TRPA1: variants seen among roughly 807,000 people sequenced by gnomAD.
TRPA1 encodes transient receptor potential cation channel subfamily A member 1, also known as ankyrin-like with transmembrane domains 1.
In TRPA1, 129 loss-of-function variants were observed where a neutral mutation model predicts 131.3. The observed-to-expected ratio is 0.98, with a 90% confidence interval of 0.85 to 1.14. The LOEUF is 1.14. Among genes scored for constraint, TRPA1 ranks in the 50% most tolerant of loss-of-function variants. The probability of loss-of-function intolerance (pLI) is 0.00; values close to 1 mark genes in which losing one functional copy is unlikely to be tolerated. For synonymous variants in TRPA1, 441 were observed against 451.7 expected (o/e 0.98, Z 0.30); for missense variants, 1,304 against 1,354.2 (o/e 0.96, Z 0.58).
intron 3 of TRPA1, among the ~76,000 whole-genome samples, chr8:72,067,911 A>G (rs988881076): frequency 6.6e-6 from 1 of 152,230 alleles, no homozygotes; most frequent in African/African-American, 2.4e-5. Context: ...TCATTCATTC[A>G]TTCAACAGCC....
Position 72,022,856 on chromosome 8 carries a change from C to A in TRPA1, c.*50G>T. On this transcript the variant is annotated 3_prime_UTR_variant, in exon 27 of 27. Coordinates refer to ENST00000262209, the MANE Select transcript of TRPA1 (RefSeq NM_007332.3). ...ACTCTTTTTAAATTGAAAGTTAGAA[C>A]CAGCAAGTCATGCACCCCCCATTAG... is the stretch of plus-strand genomic sequence containing the variant. 1.3e-6 allele frequency: 2 copies of A among 1,534,706 alleles called. No homozygotes were observed. Among genetic ancestry groups the A allele is most frequent in the Non-Finnish European group, 1.8e-6 (2 of 1,109,638 alleles).
upstream of TRPA1, among the ~76,000 whole-genome samples, chr8:72,076,034 CCTT>C (rs1806177856): frequency 6.6e-6 from 1 of 152,248 alleles, no homozygotes; most frequent in Admixed American, 6.5e-5. Context: ...ACCACGTGCA[CCTT>C]CTTCTGGCGG....
In TRPA1 at chr8:72,022,939, T is replaced by G. The variant is rs1395582436; in HGVS notation, c.3327A>C (p.Ala1109=). 1.9e-6 allele frequency: 3 copies of G among 1,613,728 alleles called. No homozygotes were observed. The African/African-American group carries it at 4.0e-5, about 22-fold the overall frequency. Residue 1109 remains alanine, a synonymous_variant, in exon 27 of 27, where the codon GCA becomes GCC. Transcript: ENST00000262209. ...RNSRWNTVLR[A]VKAKTHHLEP ...CAAGATGGTGTGTTTTTGCCTTGACTGCTCTCAACACAGTATTCCATCTGC... is the reference window on the plus strand; with the variant it reads ...CAAGATGGTGTGTTTTTGCCTTGACGGCTCTCAACACAGTATTCCATCTGC...
intron 17 of TRPA1, among the ~76,000 whole-genome samples, chr8:72,042,769 C>G (rs983823248): frequency 4.6e-5 from 7 of 151,726 alleles, no homozygotes; most frequent in African/African-American, 1.7e-4. Context: ...CATGGATGAA[C>G]CTTAAGGAGA....
At chr8:72,086,094 G>A in the TRPA1 span, among the ~76,000 whole-genome samples, 1 of 151,906 alleles carries the variant, frequency 6.6e-6, no homozygotes, top group African/African-American at 2.4e-5. Context: ...GTAGAGATGG[G>A]GTTTCAACCT....
chr8:72,080,641 T>C, the TRPA1 span, among the ~76,000 whole-genome samples: 3 of 149,482 alleles, frequency 2.0e-5, no homozygotes, highest in Admixed American at 2.0e-4. Context: ...TGTATAATAT[T>C]GGTATTATTT....
At position 72,023,881 on chromosome 8, in the gene TRPA1, C is replaced by T. The variant is rs1261498354; in HGVS notation, c.3082G>A (p.Glu1028Lys). 6.3e-7 allele frequency: 1 copy of T among 1,594,444 alleles called. No individual in the cohort carries two copies. The highest frequency in any genetic ancestry group is 1.7e-5 in the Admixed American group (1 of 59,872). Residue 1028 changes from glutamate to lysine, a missense_variant, in exon 26 of 27, where the codon GAA (glutamate) becomes AAA (lysine). Transcript: ENST00000262209. ...HIFCFLFCTG[E>K]IRQEIPNADK... ...GCATTTGGTATTTCTTGTCTTATTT[C>T]CCCAGTGCAAAATAAAAAACAGAAT...
At chr8:72,041,546 A>C (rs187862839) in intron 17 of TRPA1, among the ~76,000 whole-genome samples, 1 of 152,144 alleles carries the variant, frequency 6.6e-6, no homozygotes, top group East Asian at 1.9e-4. Flanking sequence ...ACTAGAAATC[A>C]AAAGTAGAAG....
chr8:72,033,487 G>A (rs752664688), intron 23 of TRPA1, among the ~76,000 whole-genome samples, 157 bp downstream of exon 23: 3 of 152,166 alleles, frequency 2.0e-5, no homozygotes, highest in Non-Finnish European at 4.4e-5. Context: ...TGTGCCTGGT[G>A]CTCCCCAGGC....
At position 72,022,420 on chromosome 8, in the gene TRPA1, C is replaced by A. The variant is rs1215903885; in HGVS notation, c.*486G>T. 1 of 265,448 alleles carries A rather than the reference C, an allele frequency of 3.8e-6. No homozygotes were observed. The highest frequency in any genetic ancestry group is 7.3e-6 in the Non-Finnish European group (1 of 137,720). 16.4% of individuals were successfully genotyped at this position (265,448 alleles called of 1,614,324 possible). On this transcript the variant is annotated 3_prime_UTR_variant, in exon 27 of 27. Coordinates refer to ENST00000262209, the MANE Select transcript of TRPA1 (RefSeq NM_007332.3). ...ACATGGTGCCACCCATAGGTTCTTT[C>A]AACATGAAGCTTTCCAGGAAGCAGC...
intron 24 of TRPA1, among the ~76,000 whole-genome samples, chr8:72,027,741 A>C (rs924210776): frequency 6.6e-6 from 1 of 152,160 alleles, no homozygotes; most frequent in Non-Finnish European, 1.5e-5. Context: ...GCTCAGACAT[A>C]GGTTTCAGAA....
chr8:72,062,669 C>T (rs1805834688), intron 6 of TRPA1, 130 bp downstream of exon 6: 1 of 984,652 alleles, frequency 1.0e-6, no homozygotes, highest in Non-Finnish European at 1.5e-6. Context: ...TCTGCTTCTG[C>T]AGAAGCAGAA....
chr8:72,025,598 T>C (rs7839298), intron 25 of TRPA1, among the ~76,000 whole-genome samples: 12,877 of 151,978 alleles, frequency 0.085, 1,681 homozygotes, highest in African/African-American at 0.28. Flanking sequence ...CTCACATATA[T>C]ATCTACACAT....
rs955642376 is a variant in TRPA1 at position 72,050,861 on chromosome 8, A to G, written c.1822T>C (p.Cys608Arg). 1 of 1,606,078 alleles carries G rather than the reference A, an allele frequency of 6.2e-7. No individual in the cohort carries two copies. Among genetic ancestry groups the G allele is most frequent in the African/African-American group, 1.3e-5 (1 of 74,864 alleles). ...TIIRSKRWDE[C>R]LKIFSHNSPG... ...GAATTATGACTGAAAATCTTAAGACATTCATCCCATCTGTAAAAAATAAAT... is the reference window on the plus strand; with the variant it reads ...GAATTATGACTGAAAATCTTAAGACGTTCATCCCATCTGTAAAAAATAAAT... Residue 608 changes from cysteine (C) to arginine (R), a missense_variant, in exon 15 of 27, where the codon TGT (cysteine) becomes CGT (arginine). Physicochemically the swap from Cys to Arg is radical, Grantham distance 180 (BLOSUM62 -3). Transcript: ENST00000262209.
intron 4 of TRPA1, among the ~76,000 whole-genome samples, chr8:72,063,913 T>G (rs965461595): frequency 6.6e-6 from 1 of 152,154 alleles, no homozygotes; most frequent in Non-Finnish European, 1.5e-5. Flanking sequence ...CTTATGCAAA[T>G]AAAGTGATAT....
At chr8:72,056,097 T>C in intron 10 of TRPA1, 1 of 552,186 alleles carries the variant, frequency 1.8e-6, no homozygotes, top group Non-Finnish European at 3.2e-6. Flanking sequence ...ATCTGAGAGA[T>C]CATGCCAATA....
chr8:72,032,183 G>T (rs1811849664), intron 23 of TRPA1, among the ~76,000 whole-genome samples: 1 of 152,204 alleles, frequency 6.6e-6, no homozygotes, highest in East Asian at 1.9e-4. Flanking sequence ...ATGCTGATGG[G>T]TTTGGACTGA....
Position 72,033,691 on chromosome 8 carries a change from G to C in TRPA1, c.2821C>G (p.Leu941Val). The C allele has an allele frequency of 6.2e-7, 1 of 1,614,094 alleles. No individual in the cohort carries two copies. Among genetic ancestry groups the C allele is most frequent in the Non-Finnish European group, 8.5e-7 (1 of 1,179,982 alleles). Reference protein sequence around the residue: ...LAHPVLSFAQLVSFTIFVPIV... With the variant: ...LAHPVLSFAQVVSFTIFVPIV... ...GGGACAAATATTGTGAAGGAAACAAGTTGTGCAAAGGACAGAACTGGATGT... is the reference window on the plus strand; with the variant it reads ...GGGACAAATATTGTGAAGGAAACAACTTGTGCAAAGGACAGAACTGGATGT... Residue 941 changes from leucine to valine, a missense_variant, in exon 23 of 27, where the codon CTT becomes GTT. Physicochemically the swap from Leu to Val is conservative, Grantham distance 32. Coordinates refer to ENST00000262209, the MANE Select transcript of TRPA1 (RefSeq NM_007332.3).
At chr8:72,080,521 G>C (rs1019033287), upstream of TRPA1, among the ~76,000 whole-genome samples, 1 of 151,680 alleles carries the variant, frequency 6.6e-6, no homozygotes, top group African/African-American at 2.4e-5. Context: ...GAAGAATATT[G>C]ATCTGTAGTT....
Sources: gnomAD v4.1 joint callset for allele counts (sites outside exome capture counted in the v4.1 genomes callset) on GRCh38, gnomAD v4.1.1 for gene constraint, MANE v1.5 for transcripts, NCBI Gene and HGNC (gene_info 2026-07-23, HGNC 2026-07-21) for gene names.